The following NR5A2 variants were observed in gnomAD, a reference collection of about 807,000 sequenced individuals.
The protein encoded by NR5A2 is nuclear receptor subfamily 5 group A member 2.
A neutral mutation model predicts 62.7 loss-of-function variants in NR5A2; 26 were observed. The observed-to-expected ratio is 0.41, with a 90% CI of 0.30 to 0.58. The LOEUF is 0.58. NR5A2 is among the 20% of genes least tolerant of loss of function. The pLI, the probability that NR5A2 is intolerant of heterozygous loss-of-function variation, is 0.22. For synonymous variants in NR5A2, 246 were observed against 241.7 expected (o/e 1.02, Z -0.16); for missense variants, 541 against 669.1 (o/e 0.81, Z 2.11).
intron 2 of NR5A2, chr1:200,042,915 G>C: frequency 1.0e-6 from 1 of 985,470 alleles, no homozygotes; most frequent in Non-Finnish European, 1.2e-6. Context: ...GAGCCGCGCC[G>C]CGCGTCGTGG....
At chr1:200,119,709 C>T (rs537526733) in intron 6 of NR5A2, among the ~76,000 whole-genome samples, 1 of 152,272 alleles carries the variant, frequency 6.6e-6, no homozygotes, top group East Asian at 1.9e-4. Flanking sequence ...TCACTGCAAC[C>T]TCCGCCTCCC....
At position 200,136,835 on chromosome 1, in the gene NR5A2, G is replaced by T. The variant is rs556936723; in HGVS notation, c.1378+15880G>T. Among the ~76,000 whole-genome samples, 21 of 152,282 alleles carry T rather than the reference G, an allele frequency of 1.4e-4. No individual in the cohort carries two copies. In the South Asian group the frequency reaches 3.7e-3, roughly 27 times the overall value. ...AATTCCCCCTCATCAACATGCCATG[G>T]TTTCAGTCAGAGCTGCTTTCTATTG... On this transcript the variant is annotated intron_variant, in intron 7 of 7. Coordinates refer to ENST00000367362, the MANE Select transcript of NR5A2 (RefSeq NM_205860.3).
chr1:200,039,789 A>T lies in NR5A2; in HGVS notation c.196A>T (p.Met66Leu). 1.9e-6 allele frequency: 3 copies of T among 1,599,536 alleles called. No homozygotes were observed. Among genetic ancestry groups the T allele is most frequent in the Non-Finnish European group, 2.6e-6 (3 of 1,173,398 alleles). ...HGEQGQMPEN[M>L]QVSQFKMVNY... The stretch of plus-strand genomic sequence containing the variant: ...GGAACAGGGCCAGATGCCGGAAAAC[A>T]TGCAAGGTAAGGAGGCGCCGCGCGG... The change falls in exon 2 of 8, where the codon ATG (methionine) becomes TTG (leucine). Residue 66 changes from methionine (M) to leucine (L), a missense_variant. Transcript: ENST00000367362. The surrounding 1 kb of genome is among the most constrained non-coding windows in gnomAD (Gnocchi z 5.1).
chr1:200,083,350 C>G (rs757603345), intron 5 of NR5A2, among the ~76,000 whole-genome samples: 1 of 152,182 alleles, frequency 6.6e-6, no homozygotes, highest in Non-Finnish European at 1.5e-5. Flanking sequence ...CAAATGTCAT[C>G]ATTTGCTGTC....
chr1:200,072,471 G>T (rs1309810412), intron 5 of NR5A2, among the ~76,000 whole-genome samples: 1 of 152,036 alleles, frequency 6.6e-6, no homozygotes, highest in African/African-American at 2.4e-5. Flanking sequence ...ACACCCGAAG[G>T]CCAAATAATT....
At chr1:200,163,885 G>T (rs1653771843) in intron 7 of NR5A2, among the ~76,000 whole-genome samples, 1 of 152,104 alleles carries the variant, frequency 6.6e-6, no homozygotes, top group African/African-American at 2.4e-5. Context: ...AGGTGATATT[G>T]TTTGGATCCT....
At chr1:200,155,783 C>T (rs568997419) in intron 7 of NR5A2, among the ~76,000 whole-genome samples, 2 of 152,054 alleles carry the variant, frequency 1.3e-5, no homozygotes, top group African/African-American at 4.8e-5. Flanking sequence ...AAGCGATTCT[C>T]CTGCCTCAGC....
At chr1:200,035,345 G>T (rs2102137555) in intron 1 of NR5A2, among the ~76,000 whole-genome samples, 1 of 152,300 alleles carries the variant, frequency 6.6e-6, no homozygotes, top group African/African-American at 2.4e-5. Context: ...CATCTACCCA[G>T]GCGCGCGGGG....
At chr1:200,138,834 T>G (rs1197847807) in intron 7 of NR5A2, among the ~76,000 whole-genome samples, 1 of 152,194 alleles carries the variant, frequency 6.6e-6, no homozygotes, top group African/African-American at 2.4e-5. Flanking sequence ...AATCTTAATA[T>G]CTGCTTGAGT....
intron 7 of NR5A2, among the ~76,000 whole-genome samples, chr1:200,135,225 A>G (rs1667157360): frequency 6.6e-6 from 1 of 152,222 alleles, no homozygotes; most frequent in African/African-American, 2.4e-5. Context: ...GGGGCCTGAA[A>G]TAATAAAGCA....
chr1:200,054,037 G>A (rs1310984095), intron 5 of NR5A2: 1 of 152,148 alleles, frequency 6.6e-6, no homozygotes, highest in African/African-American at 2.4e-5. Flanking sequence ...TATGCTTGTC[G>A]AGATAGCAGA....
chr1:200,056,369 T>C (rs1662917812), intron 5 of NR5A2, among the ~76,000 whole-genome samples: 1 of 152,184 alleles, frequency 6.6e-6, no homozygotes, highest in African/African-American at 2.4e-5. Flanking sequence ...AAAACTCCCA[T>C]GCATTAGTTA....
At chr1:200,168,424 C>T (rs1419298295) in intron 7 of NR5A2, among the ~76,000 whole-genome samples, 2 of 152,044 alleles carry the variant, frequency 1.3e-5, no homozygotes, top group Non-Finnish European at 2.9e-5. Flanking sequence ...GCTGTGGTGC[C>T]TAGGCTGGTC....
chr1:200,149,929 T>C (rs912725700), intron 7 of NR5A2, among the ~76,000 whole-genome samples: 2 of 152,222 alleles, frequency 1.3e-5, no homozygotes, highest in African/African-American at 4.8e-5. Context: ...TGGCATTTTG[T>C]AGTTACCTCC....
At chr1:200,085,912 A>G (rs941849019) in intron 5 of NR5A2, among the ~76,000 whole-genome samples, 1 of 152,176 alleles carries the variant, frequency 6.6e-6, no homozygotes, top group African/African-American at 2.4e-5. Flanking sequence ...TGTGCATTTG[A>G]TATCTCTATA....
At position 200,174,255 on chromosome 1, in the gene NR5A2, G is replaced by A; in HGVS notation, c.*45G>A. 1 of 1,472,368 alleles carries A rather than the reference G, an allele frequency of 6.8e-7. No homozygotes were observed. The highest frequency in any genetic ancestry group is 1.6e-5 in the South Asian group (1 of 63,586). 91.2% of individuals were successfully genotyped at this position (1,472,368 alleles called of 1,614,324 possible). A position where few individuals can be genotyped will look rare whatever the true frequency, so the allele number is the denominator to read the frequency against. On this transcript the variant is annotated 3_prime_UTR_variant, in exon 8 of 8. Transcript: ENST00000367362. ...CTGCTTTCAAAACAAAAAGAGATTGGGGGAGTGGGGAGGGGGAAGAAGAAC... is the reference window on the plus strand; with the variant it reads ...CTGCTTTCAAAACAAAAAGAGATTGAGGGAGTGGGGAGGGGGAAGAAGAAC...
intron 5 of NR5A2, among the ~76,000 whole-genome samples, chr1:200,068,374 T>C (rs962054263): frequency 3.3e-5 from 5 of 152,186 alleles, no homozygotes; most frequent in African/African-American, 7.2e-5. Flanking sequence ...TCTATTATAA[T>C]TCTTCAGTCT....
intron 5 of NR5A2, among the ~76,000 whole-genome samples, chr1:200,084,177 C>A (rs1030678080): frequency 6.6e-6 from 1 of 151,904 alleles, no homozygotes; most frequent in Non-Finnish European, 1.5e-5. Flanking sequence ...ATATTTATAT[C>A]TATTTTAGTG....
chr1:200,110,531 G>A lies in NR5A2; in HGVS notation c.1111-671G>A, dbSNP rs145615224. On this transcript the variant is annotated intron_variant, in intron 5 of 7. Coordinates refer to ENST00000367362, the MANE Select transcript of NR5A2 (RefSeq NM_205860.3). ...GAAGATACTTACTGTTCTTGGGCCCGTTTTTCAGATCAGAAAACTGAAGTT... is the reference window on the plus strand; with the variant it reads ...GAAGATACTTACTGTTCTTGGGCCCATTTTTCAGATCAGAAAACTGAAGTT... 3.9e-3 allele frequency among the ~76,000 whole-genome samples: 601 copies of A among 152,194 alleles called. 1 individual carries two copies. Among genetic ancestry groups the A allele is most frequent in the Middle Eastern group, 0.034 (10 of 294 alleles).
Sources: gnomAD v4.1 joint callset for allele counts (sites outside exome capture counted in the v4.1 genomes callset) on GRCh38, gnomAD v4.1.1 for gene constraint, Gnocchi (gnomAD v3.1) non-coding constraint, MANE v1.5 for transcripts, NCBI Gene and HGNC (gene_info 2026-07-23, HGNC 2026-07-21) for gene names.